Variants in PTAFR observed in about 807,000 individuals in gnomAD.
PTAFR encodes the protein platelet-activating factor receptor.
Under a neutral mutation model 14.7 loss-of-function variants are expected in PTAFR, and 8 were observed. The ratio of observed to expected loss-of-function variants is 0.54; its 90% CI spans 0.32 to 0.98. The LOEUF (loss-of-function observed/expected upper bound fraction) is 0.98, where lower values mean the gene tolerates loss of function less well. PTAFR is among the 50% of genes least tolerant of loss of function. PTAFR has a pLI of 0.04. For missense variants in PTAFR, 337 were observed against 451.2 expected (o/e 0.75, Z 2.29); for synonymous variants, 156 against 176.5 (o/e 0.88, Z 0.92).
At chr1:28,151,982 T>A (rs892529513) in intron 1 of PTAFR, among the ~76,000 whole-genome samples, 1 of 152,152 alleles carries the variant, frequency 6.6e-6, no homozygotes, top group Non-Finnish European at 1.5e-5. Flanking sequence ...AACCTCAACC[T>A]CTTGGGCTCA....
chr1:28,156,027 C>T (rs953781245), intron 1 of PTAFR, among the ~76,000 whole-genome samples: 3 of 151,862 alleles, frequency 2.0e-5, no homozygotes, highest in South Asian at 2.1e-4. Context: ...TTTGGGAGGC[C>T]GAGACGGGTG....
upstream of PTAFR, among the ~76,000 whole-genome samples, chr1:28,178,998 C>CA (rs369253626): frequency 0.028 from 4,047 of 146,892 alleles, 166 homozygotes; most frequent in African/African-American, 0.092. Flanking sequence ...ATATTTAAAA[C>CA]AAAAAAAAAA....
intron 1 of PTAFR, among the ~76,000 whole-genome samples, chr1:28,171,202 A>T (rs938819252): frequency 6.6e-6 from 1 of 151,648 alleles, no homozygotes; most frequent in Non-Finnish European, 1.5e-5. Context: ...GCACATCTGT[A>T]ATCCCAGCTA....
intron 1 of PTAFR, 144 bp downstream of exon 1, chr1:28,176,444 CAAAA>C (rs532299068): frequency 6.9e-4 from 49 of 71,150 alleles, no homozygotes; most frequent in African/African-American, 2.6e-3. Context: ...GACCCTGTCT[CAAAA>C]AAAAAAAAAA....
At chr1:28,152,665 C>A (rs1446546946) in intron 1 of PTAFR, among the ~76,000 whole-genome samples, 1 of 152,142 alleles carries the variant, frequency 6.6e-6, no homozygotes, top group East Asian at 1.9e-4. Context: ...ATCACTTGAA[C>A]CCGGGAGGTG....
intron 1 of PTAFR, among the ~76,000 whole-genome samples, chr1:28,193,055 G>A (rs1646668020): frequency 6.6e-6 from 1 of 152,170 alleles, no homozygotes; most frequent in Admixed American, 6.5e-5. Context: ...GCCAGTGCAT[G>A]AGCTCGGGAG....
In PTAFR at chr1:28,149,742, A is replaced by C; in HGVS notation, c.*251T>G. 2.1e-6 allele frequency: 1 copy of C among 484,044 alleles called. No homozygotes were observed. Among genetic ancestry groups the C allele is most frequent in the South Asian group, 2.8e-5 (1 of 35,928 alleles). 30.0% of individuals were successfully genotyped at this position (484,044 alleles called of 1,614,324 possible). On this transcript the variant is annotated 3_prime_UTR_variant, in exon 2 of 2. Coordinates refer to ENST00000373857, the MANE Select transcript of PTAFR (RefSeq NM_000952.5). ...CCTTCCGGCCCCATAAGATTAAGGGACTCAGGATAAAGTCATCAGTCACAG... is the reference window on the plus strand; with the variant it reads ...CCTTCCGGCCCCATAAGATTAAGGGCCTCAGGATAAAGTCATCAGTCACAG...
chr1:28,152,710 C>A (rs926307245), intron 1 of PTAFR, among the ~76,000 whole-genome samples: 6 of 151,858 alleles, frequency 4.0e-5, no homozygotes, highest in African/African-American at 1.2e-4. Context: ...GCCACTGCAC[C>A]CCAGTCTGGG....
intron 1 of PTAFR, among the ~76,000 whole-genome samples, chr1:28,170,951 GA>G (rs1321178263): frequency 6.6e-6 from 1 of 151,950 alleles, no homozygotes; most frequent in Non-Finnish European, 1.5e-5. Context: ...AGTGAGCCAA[GA>G]TTGTGCCACT....
At chr1:28,180,858 TAAA>T (rs939131124), upstream of PTAFR, among the ~76,000 whole-genome samples, 6 of 147,126 alleles carry the variant, frequency 4.1e-5, no homozygotes, top group South Asian at 4.4e-4. Flanking sequence ...AGAGAAGAAA[TAAA>T]GAAGGATGGA....
intron 1 of PTAFR, among the ~76,000 whole-genome samples, chr1:28,168,359 CATGGACAG>C (rs1646415205): frequency 6.6e-6 from 1 of 152,074 alleles, no homozygotes; most frequent in African/African-American, 2.4e-5. Context: ...CTAACATGTC[CATGGACAG>C]ATGAATGGAT....
upstream of PTAFR, among the ~76,000 whole-genome samples, chr1:28,178,236 A>G (rs1421574540): frequency 6.6e-6 from 1 of 152,090 alleles, no homozygotes; most frequent in Non-Finnish European, 1.5e-5. Context: ...TGGCTCTCAA[A>G]GGACAAAACA....
chr1:28,162,829 CAA>C (rs529755155), intron 1 of PTAFR, among the ~76,000 whole-genome samples: 7 of 59,160 alleles, frequency 1.2e-4, no homozygotes, highest in African/African-American at 2.0e-4. Flanking sequence ...ACTTTGTCTC[CAA>C]AAAAAAAAAA....
At chr1:28,166,301 C>T (rs763094483) in intron 1 of PTAFR, among the ~76,000 whole-genome samples, 1 of 152,136 alleles carries the variant, frequency 6.6e-6, no homozygotes, top group Non-Finnish European at 1.5e-5. Context: ...ATATATTATA[C>T]AAAAATTAAC....
At chr1:28,173,680 G>A (rs1646478965) in intron 1 of PTAFR, among the ~76,000 whole-genome samples, 1 of 150,434 alleles carries the variant, frequency 6.6e-6, no homozygotes, top group Non-Finnish European at 1.5e-5. Flanking sequence ...GAGGGGGGGC[G>A]GGGTATGCAC....
intron 1 of PTAFR, among the ~76,000 whole-genome samples, chr1:28,176,221 T>C (rs2149004036): frequency 6.6e-6 from 1 of 152,096 alleles, no homozygotes; most frequent in Non-Finnish European, 1.5e-5. Context: ...GGCAGGCTGA[T>C]TGCTTGAGCC....
At chr1:28,181,388 T>C (rs1250450978), upstream of PTAFR, among the ~76,000 whole-genome samples, 1 of 152,174 alleles carries the variant, frequency 6.6e-6, no homozygotes, top group Non-Finnish European at 1.5e-5. Context: ...AAACAGATCA[T>C]AGGGATGCAC....
At chr1:28,185,855 T>C (rs1480365221) in intron 1 of PTAFR, among the ~76,000 whole-genome samples, 1 of 152,166 alleles carries the variant, frequency 6.6e-6, no homozygotes, top group Non-Finnish European at 1.5e-5. Flanking sequence ...AACCAACATG[T>C]AAAAAGCAAT....
chr1:28,153,395 A>C (rs1646219202), intron 1 of PTAFR, among the ~76,000 whole-genome samples: 1 of 152,052 alleles, frequency 6.6e-6, no homozygotes, highest in Non-Finnish European at 1.5e-5. Context: ...GATGGGAAGC[A>C]AGAACCCAGC....
Sources: allele counts gnomAD v4.1 joint callset (sites outside exome capture counted in the v4.1 genomes callset), GRCh38; gene constraint gnomAD v4.1.1; transcripts MANE v1.5; gene names NCBI Gene and HGNC (gene_info 2026-07-23, HGNC 2026-07-21).